The following CTNND2 variants were observed in gnomAD, a reference collection of about 807,000 sequenced individuals.
The protein encoded by CTNND2 is catenin delta-2.
Under a neutral mutation model 144.4 loss-of-function variants are expected in CTNND2, and 22 were observed. The ratio of observed to expected loss-of-function variants is 0.15; its 90% CI spans 0.11 to 0.22. The LOEUF (loss-of-function observed/expected upper bound fraction) is 0.22. Among genes scored for constraint, CTNND2 ranks in the 10% least tolerant of loss-of-function variants. CTNND2 has a pLI of 1.00. For synonymous variants in CTNND2, 751 were observed against 695.6 expected (o/e 1.08, Z -1.25); for missense variants, 1,353 against 1,618.8 (o/e 0.84, Z 2.82).
intron 3 of CTNND2, among the ~76,000 whole-genome samples, chr5:11,445,109 C>T (rs552140564): frequency 1.3e-5 from 2 of 152,282 alleles, no homozygotes; most frequent in South Asian, 4.2e-4. Context: ...AGTGAGGATG[C>T]TGGCAGGACC....
At chr5:11,765,941 A>T (rs1789560449) in intron 1 of CTNND2, among the ~76,000 whole-genome samples, 1 of 152,226 alleles carries the variant, frequency 6.6e-6, no homozygotes, top group African/African-American at 2.4e-5. Context: ...CTTAATAACT[A>T]GAGTCAGTAT....
chr5:11,179,827 C>T (rs1422384174), intron 11 of CTNND2, among the ~76,000 whole-genome samples: 4 of 152,132 alleles, frequency 2.6e-5, no homozygotes, highest in Admixed American at 1.3e-4. Context: ...GCTGCGTAAA[C>T]ATGGAAGAAC....
Position 11,111,916 on chromosome 5 carries a change from G to A in CTNND2, c.2278-873C>T, listed in dbSNP as rs1016889617. 1.1e-4 allele frequency among the ~76,000 whole-genome samples: 16 copies of A among 150,692 alleles called. 1 individual carries two copies. The highest frequency in any genetic ancestry group is 4.2e-4 in the South Asian group (2 of 4,756). Reference sequence around the variant, plus strand: ...GGCTGGAGTGCAGTGGCGCGATCTCGGCTCACTGCAAGCTCCGCCTCCCAG... The same window carrying A: ...GGCTGGAGTGCAGTGGCGCGATCTCAGCTCACTGCAAGCTCCGCCTCCCAG... On this transcript the variant is annotated intron_variant, in intron 13 of 21. Transcript: ENST00000304623.
chr5:11,408,726 A>G (rs1041672255), intron 5 of CTNND2, among the ~76,000 whole-genome samples: 3 of 152,086 alleles, frequency 2.0e-5, no homozygotes, highest in African/African-American at 7.2e-5. Context: ...CCCTATTATA[A>G]ACCATTTGTA....
chr5:11,767,305 C>T (rs1036798988), intron 1 of CTNND2, among the ~76,000 whole-genome samples: 1 of 152,206 alleles, frequency 6.6e-6, no homozygotes, highest in Non-Finnish European at 1.5e-5. Flanking sequence ...ATTGGCTACA[C>T]AATGCCCATT....
chr5:11,374,730 G>T (rs1043398394), intron 7 of CTNND2, among the ~76,000 whole-genome samples: 1 of 146,924 alleles, frequency 6.8e-6, no homozygotes, highest in Non-Finnish European at 1.5e-5. Flanking sequence ...GGATCACTAC[G>T]AATATTTCCA....
chr5:10,981,718 T>A, intron 21 of CTNND2, 55 bp downstream of exon 21: 2 of 1,484,104 alleles, frequency 1.3e-6, no homozygotes, highest in Non-Finnish European at 1.9e-6. Context: ...AATTCCAGGT[T>A]ATTTCACATG....
chr5:11,346,667 C>T (rs994112263), intron 8 of CTNND2, 40 bp from the exon 9 acceptor site: 1 of 1,419,866 alleles, frequency 7.0e-7, no homozygotes, highest in African/African-American at 1.5e-5. Context: ...AAATTGAGGA[C>T]CTGCTCACAG....
intron 10 of CTNND2, among the ~76,000 whole-genome samples, chr5:11,230,159 T>C (rs944646226): frequency 6.7e-5 from 9 of 133,952 alleles, no homozygotes; most frequent in East Asian, 4.4e-4. Flanking sequence ...TAGGTGGGAA[T>C]TGAACAATGA....
intron 3 of CTNND2, among the ~76,000 whole-genome samples, chr5:11,504,205 C>G (rs567523331): frequency 6.6e-5 from 10 of 152,336 alleles, no homozygotes; most frequent in Non-Finnish European, 1.3e-4. Flanking sequence ...CCCACCCTCT[C>G]CAGGGGACCA....
intron 1 of CTNND2, among the ~76,000 whole-genome samples, chr5:11,768,900 A>C (rs987183753): frequency 6.6e-6 from 1 of 152,182 alleles, no homozygotes; most frequent in African/African-American, 2.4e-5. Flanking sequence ...TGTCTGGCCC[A>C]GACTTTTATT....
intron 3 of CTNND2, among the ~76,000 whole-genome samples, chr5:11,422,230 G>A (rs1246897831): frequency 4.6e-5 from 7 of 150,836 alleles, no homozygotes; most frequent in South Asian, 2.1e-4. Context: ...TTTCCCCCAC[G>A]CTAAAATGGA....
At position 11,643,087 on chromosome 5, in the gene CTNND2, A is replaced by G. The variant is rs538602042; in HGVS notation, c.175-78031T>C. Among the ~76,000 whole-genome samples, 12 of 152,340 alleles carry G rather than the reference A, an allele frequency of 7.9e-5. No homozygotes were observed. The South Asian group carries it at 2.1e-3, about 26-fold the overall frequency. On this transcript the variant is annotated intron_variant, in intron 2 of 21. Transcript: ENST00000304623. ...AGCAAAGAAACAGATCTTCAGTTAT[A>G]ATCTATGTAAGCACTTGGCAGTTGA...
At chr5:11,300,261 G>A (rs1749448302) in intron 9 of CTNND2, among the ~76,000 whole-genome samples, 1 of 152,094 alleles carries the variant, frequency 6.6e-6, no homozygotes, top group South Asian at 2.1e-4. Context: ...AGGGAATGAG[G>A]ATAAGAACCA....
chr5:11,522,907 C>A (rs1772875535), intron 3 of CTNND2, among the ~76,000 whole-genome samples: 3 of 152,186 alleles, frequency 2.0e-5, no homozygotes, highest in Non-Finnish European at 2.9e-5. Context: ...AAGAAGCACC[C>A]ATGCGTTTGA....
intron 3 of CTNND2, among the ~76,000 whole-genome samples, chr5:11,429,569 A>C (rs558841049): frequency 6.6e-6 from 1 of 152,264 alleles, no homozygotes; most frequent in Non-Finnish European, 1.5e-5. Context: ...AACTGACAAA[A>C]TCCTCATCAC....
chr5:11,486,927 T>G (rs1461790317), intron 3 of CTNND2, among the ~76,000 whole-genome samples: 2 of 152,192 alleles, frequency 1.3e-5, no homozygotes, highest in African/African-American at 2.4e-5. Context: ...CATAGTTTAT[T>G]TGAAAGCAGC....
chr5:11,396,466 G>T (rs1033052922), intron 6 of CTNND2, among the ~76,000 whole-genome samples: 2 of 152,116 alleles, frequency 1.3e-5, no homozygotes, highest in African/African-American at 2.4e-5. Context: ...GAAACTGTAA[G>T]ATCAAGCACC....
chr5:11,400,971 C>T (rs764243375), intron 5 of CTNND2, among the ~76,000 whole-genome samples: 6 of 152,150 alleles, frequency 3.9e-5, no homozygotes, highest in Non-Finnish European at 8.8e-5. Context: ...TTGAAAAAGT[C>T]CTGTGTAAAC....
Sources: allele counts gnomAD v4.1 joint callset (sites outside exome capture counted in the v4.1 genomes callset), GRCh38; gene constraint gnomAD v4.1.1; transcripts MANE v1.5; gene names NCBI Gene and HGNC (gene_info 2026-07-23, HGNC 2026-07-21).